Variants in TRAF3IP1 observed in about 807,000 individuals in gnomAD.
The protein encoded by TRAF3IP1 is TRAF3-interacting protein 1.
A neutral mutation model predicts 89.9 loss-of-function variants in TRAF3IP1; 53 were observed. The observed-to-expected ratio is 0.59, with a 90% CI of 0.47 to 0.74. TRAF3IP1 has a LOEUF of 0.74. Among genes scored for constraint, TRAF3IP1 ranks in the 30% least tolerant of loss-of-function variants. The pLI is 0.00. For missense variants in TRAF3IP1, 806 were observed against 866.1 expected (o/e 0.93, Z 0.87); for synonymous variants, 311 against 322.1 (o/e 0.97, Z 0.37).
chr2:238,388,245 C>T (rs997201718), intron 15 of TRAF3IP1, among the ~76,000 whole-genome samples: 2 of 151,704 alleles, frequency 1.3e-5, no homozygotes, highest in Non-Finnish European at 1.5e-5. Flanking sequence ...CGTGATGATG[C>T]GTGCCTATAA....
At chr2:238,380,953 C>T (rs964823416) in intron 15 of TRAF3IP1, among the ~76,000 whole-genome samples, 4 of 152,112 alleles carry the variant, frequency 2.6e-5, no homozygotes, top group Non-Finnish European at 5.9e-5. Context: ...GACTTAAGTT[C>T]TTTTGAGTGC....
At chr2:238,374,309 A>G (rs1000105027) in intron 15 of TRAF3IP1, among the ~76,000 whole-genome samples, 6 of 152,210 alleles carry the variant, frequency 3.9e-5, no homozygotes, top group African/African-American at 1.4e-4. Context: ...CGTTCCATCA[A>G]TACCTAGTTT....
intron 8 of TRAF3IP1, among the ~76,000 whole-genome samples, chr2:238,340,636 T>C (rs1258770069): frequency 6.6e-6 from 1 of 152,226 alleles, no homozygotes; most frequent in Admixed American, 6.5e-5. Flanking sequence ...TTCTGGAACA[T>C]TAAGTCAGGT....
At chr2:238,328,086 T>C (rs1482218137) in intron 3 of TRAF3IP1, among the ~76,000 whole-genome samples, 1 of 152,220 alleles carries the variant, frequency 6.6e-6, no homozygotes, top group African/African-American at 2.4e-5. Flanking sequence ...TTTTCTATTT[T>C]TTTGGATAAA....
chr2:238,333,019 T>C, intron 6 of TRAF3IP1, 124 bp downstream of exon 6: 1 of 683,770 alleles, frequency 1.5e-6, no homozygotes, highest in Non-Finnish European at 2.6e-6. Context: ...CTATCTGTAA[T>C]AGGTCCATTT....
intron 15 of TRAF3IP1, among the ~76,000 whole-genome samples, chr2:238,382,905 C>G (rs186555991): frequency 0.038 from 5,712 of 152,232 alleles, 155 homozygotes; most frequent in Non-Finnish European, 0.059. Flanking sequence ...AAGTTGGAAG[C>G]CACGTGTTTT....
intron 15 of TRAF3IP1, among the ~76,000 whole-genome samples, chr2:238,376,380 C>A (rs1700317827): frequency 6.6e-6 from 1 of 152,156 alleles, no homozygotes; most frequent in African/African-American, 2.4e-5. Flanking sequence ...CGCACTGATA[C>A]CACCCTGCTG....
intron 7 of TRAF3IP1, among the ~76,000 whole-genome samples, chr2:238,336,122 T>C (rs1017643388): frequency 6.6e-6 from 1 of 152,156 alleles, no homozygotes; most frequent in South Asian, 2.1e-4. Context: ...GTAGTTCTTC[T>C]GTTGATTCTT....
chr2:238,391,314 G>A (rs1481879122), intron 15 of TRAF3IP1, among the ~76,000 whole-genome samples: 1 of 152,180 alleles, frequency 6.6e-6, no homozygotes, highest in Non-Finnish European at 1.5e-5. Context: ...CTGTGTGGGG[G>A]TAATAGATCC....
At chr2:238,321,862 C>T (rs1697563964) in intron 1 of TRAF3IP1, among the ~76,000 whole-genome samples, 1 of 152,334 alleles carries the variant, frequency 6.6e-6, no homozygotes, top group Admixed American at 6.5e-5. Context: ...GTTTCTCACT[C>T]TTTTCAACAG....
chr2:238,394,100 G>A (rs1325859119), intron 15 of TRAF3IP1, among the ~76,000 whole-genome samples: 1 of 152,136 alleles, frequency 6.6e-6, no homozygotes, highest in Non-Finnish European at 1.5e-5. Context: ...GGAGGCCGAG[G>A]CAGGAGAATC....
chr2:238,370,160 G>C (rs1700045739), intron 15 of TRAF3IP1, among the ~76,000 whole-genome samples: 1 of 152,046 alleles, frequency 6.6e-6, no homozygotes, highest in Admixed American at 6.5e-5. Context: ...GTATGTGTCT[G>C]TGTTTGTTAT....
At chr2:238,367,079 G>T (rs1278556405) in intron 15 of TRAF3IP1, among the ~76,000 whole-genome samples, 14 of 136,442 alleles carry the variant, frequency 1.0e-4, no homozygotes. Flanking sequence ...CAGGAGAATC[G>T]CTTGAACCTG....
At chr2:238,355,666 C>G (rs1334136050) in intron 14 of TRAF3IP1, among the ~76,000 whole-genome samples, 2 of 152,220 alleles carry the variant, frequency 1.3e-5, no homozygotes, top group African/African-American at 4.8e-5. Flanking sequence ...AGAAGCATTT[C>G]TTGTTATTTC....
rs1324889144 is a variant in TRAF3IP1, at chr2:238,379,161, A to T, written c.1690-18298A>T. Among the ~76,000 whole-genome samples the T allele has an allele frequency of 6.6e-6, 1 of 152,094 alleles. No homozygotes were observed. Among genetic ancestry groups the T allele is most frequent in the African/African-American group, 2.4e-5 (1 of 41,398 alleles). ...TGGGGGCCTGTTTTCTTGCAGTCCAAGGTTACCTGGAGGCTGCTGGTCTCT... is the reference window on the plus strand; with the variant it reads ...TGGGGGCCTGTTTTCTTGCAGTCCATGGTTACCTGGAGGCTGCTGGTCTCT... On this transcript the variant is annotated intron_variant, in intron 15 of 16. Transcript: ENST00000373327. The surrounding 1 kb of genome is among the most constrained non-coding windows in gnomAD (Gnocchi z 4.0).
chr2:238,351,560 G>A lies in TRAF3IP1; in HGVS notation c.1452-1267G>A, dbSNP rs1027196619. 2.0e-5 allele frequency among the ~76,000 whole-genome samples: 3 copies of A among 152,164 alleles called. No homozygotes were observed. Among genetic ancestry groups the A allele is most frequent in the Admixed American group, 6.5e-5 (1 of 15,282 alleles). ...GATCACGGCAGGCACAGGGGCGCAG[G>A]TGTTGAGGAGGTGGATCGTGGGCCA... On this transcript the variant is annotated intron_variant, in intron 12 of 16. Transcript: ENST00000373327. This position sits in a 1 kb window ranked among gnomAD's most constrained non-coding sequence, Gnocchi z 5.2.
At position 238,355,633 on chromosome 2, in the gene TRAF3IP1, G is replaced by A. The variant is rs1217916202; in HGVS notation, c.1613-371G>A. Among the ~76,000 whole-genome samples, 4 of 152,346 alleles carry A rather than the reference G, an allele frequency of 2.6e-5. No homozygotes were observed. In the East Asian group the frequency reaches 7.7e-4, roughly 29 times the overall value. On this transcript the variant is annotated intron_variant, in intron 14 of 16. Transcript: ENST00000373327. The stretch of plus-strand genomic sequence containing the variant: ...AAAGAAGTGGAATAGTCTTGCCCCA[G>A]TGTAAAAGAAGTATCCGTACTTAGA...
chr2:238,397,470 C>T lies in TRAF3IP1; in HGVS notation c.1701C>T (p.Leu567=). 1 of 1,612,850 alleles carries T rather than the reference C, an allele frequency of 6.2e-7. No homozygotes were observed. ...SPKPGEKERS[L]FESAWKKEKD... is the part of the protein sequence containing the mutation. ...CTCCCTGACTGTAGGAGCGATCTCT[C>T]TTTGAGTCGGCATGGAAGAAGGAGA... Residue 567 remains leucine, a synonymous_variant, in exon 16 of 17, where the codon CTC becomes CTT. Coordinates refer to ENST00000373327, the MANE Select transcript of TRAF3IP1 (RefSeq NM_015650.4).
In TRAF3IP1 at chr2:238,349,336, G is replaced by A. The variant is rs760551791; in HGVS notation, c.1379G>A (p.Arg460Gln). ...ELSSNIRRIP[R>Q]PGSARPAPPR... ...ATATTTGGGTTTAGAAGAATTCCTCGGCCTGGGAGTGCAAGACCAGCCCCT... is the reference window on the plus strand; with the variant it reads ...ATATTTGGGTTTAGAAGAATTCCTCAGCCTGGGAGTGCAAGACCAGCCCCT... The change falls in exon 12 of 17, where the codon CGG (arginine) becomes CAG (glutamine). Residue 460 changes from arginine (R) to glutamine (Q), a missense_variant. Arg to Gln is a conservative substitution (Grantham distance 43). This residue lies in a region of TRAF3IP1 where 732 missense variants were observed against 780.5 expected (regional missense o/e 0.94). Coordinates refer to ENST00000373327, the MANE Select transcript of TRAF3IP1 (RefSeq NM_015650.4). 2.0e-5 allele frequency: 32 copies of A among 1,613,912 alleles called. No individual in the cohort carries two copies. Among genetic ancestry groups the A allele is most frequent in the South Asian group, 2.0e-4 (18 of 91,082 alleles).
Sources: allele counts gnomAD v4.1 joint callset (sites outside exome capture counted in the v4.1 genomes callset), GRCh38; gene constraint gnomAD v4.1.1; regional missense constraint gnomAD v4.1.1; non-coding constraint Gnocchi (gnomAD v3.1); transcripts MANE v1.5; gene names NCBI Gene and HGNC (gene_info 2026-07-23, HGNC 2026-07-21).